ATP2B1: variants seen among roughly 807,000 people sequenced by gnomAD.
The protein encoded by ATP2B1 is plasma membrane calcium-transporting ATPase 1.
Under a neutral mutation model 124.2 loss-of-function variants are expected in ATP2B1, and 14 were observed. That is an observed-to-expected ratio of 0.11 (90% CI 0.07 to 0.18). The LOEUF is 0.18. Ranked by LOEUF, ATP2B1 falls within the 10% of genes least tolerant of loss-of-function variation. ATP2B1 has a pLI of 1.00. For synonymous variants in ATP2B1, 449 were observed against 492.4 expected, an observed-to-expected ratio of 0.91 and a Z score of 1.17; for missense variants, 763 against 1,466.1, an observed-to-expected ratio of 0.52 and a Z score of 7.83.
At chr12:89,600,974 A>C (rs921490361) in intron 19 of ATP2B1, among the ~76,000 whole-genome samples, 2 of 152,128 alleles carry the variant, frequency 1.3e-5, no homozygotes, top group South Asian at 2.1e-4. Context: ...TGTTGTAAAA[A>C]ATTTTTTTCT....
chr12:89,696,892 T>C (rs1891196326), intron 1 of ATP2B1, among the ~76,000 whole-genome samples: 2 of 152,268 alleles, frequency 1.3e-5, no homozygotes, highest in South Asian at 4.1e-4. Context: ...AGGTGTTCAT[T>C]TTATTCAATA....
At chr12:89,634,539 C>G (rs1882384603) in intron 5 of ATP2B1, among the ~76,000 whole-genome samples, 1 of 152,106 alleles carries the variant, frequency 6.6e-6, no homozygotes, top group South Asian at 2.1e-4. Context: ...TGCTGAATCT[C>G]AAATCTCTTG....
intron 2 of ATP2B1, among the ~76,000 whole-genome samples, chr12:89,648,492 T>C (rs977224942): frequency 6.6e-6 from 1 of 152,102 alleles, no homozygotes; most frequent in African/African-American, 2.4e-5. Flanking sequence ...CAGCAAAACA[T>C]TCAAGAACAG....
At chr12:89,607,955 G>A (rs1364198979) in intron 15 of ATP2B1, among the ~76,000 whole-genome samples, 1 of 151,980 alleles carries the variant, frequency 6.6e-6, no homozygotes, top group Non-Finnish European at 1.5e-5. Flanking sequence ...AAGAAAGTAT[G>A]CTCTAAAATG....
At chr12:89,681,069 T>C (rs1167152884) in intron 1 of ATP2B1, among the ~76,000 whole-genome samples, 1 of 152,178 alleles carries the variant, frequency 6.6e-6, no homozygotes, top group Non-Finnish European at 1.5e-5. Flanking sequence ...AGAGCTAATC[T>C]GGGAAGCTTT....
intron 3 of ATP2B1, chr12:89,641,956 T>A: frequency 1.7e-6 from 1 of 573,530 alleles, no homozygotes; most frequent in Non-Finnish European, 3.0e-6. Context: ...CCTCTGTGCC[T>A]CATTGTAAAA....
At chr12:89,683,467 C>T (rs551227466) in intron 1 of ATP2B1, among the ~76,000 whole-genome samples, 2 of 152,328 alleles carry the variant, frequency 1.3e-5, no homozygotes, top group South Asian at 4.1e-4. Context: ...GAAGCGTAAG[C>T]TACAAAGAGA....
intron 2 of ATP2B1, among the ~76,000 whole-genome samples, chr12:89,647,653 G>GT (rs1295954011): frequency 6.6e-6 from 1 of 152,112 alleles, no homozygotes; most frequent in East Asian, 1.9e-4. Context: ...ATGTGTGTCT[G>GT]TATGTGTTTA....
chr12:89,662,137 CT>C (rs74395562), intron 1 of ATP2B1, among the ~76,000 whole-genome samples: 3,464 of 138,922 alleles, frequency 0.025, 93 homozygotes, highest in African/African-American at 0.071. Context: ...ATCTTTCTTT[CT>C]TTTTTTTTTT....
chr12:89,624,117 T>C, intron 9 of ATP2B1, 66 bp downstream of exon 9: 1 of 1,396,250 alleles, frequency 7.2e-7, no homozygotes, highest in South Asian at 1.3e-5. Flanking sequence ...AGTAACTAGA[T>C]GGGCATTTTC....
chr12:89,598,656 C>T, intron 20 of ATP2B1: 2 of 1,613,982 alleles, frequency 1.2e-6, no homozygotes, highest in Non-Finnish European at 1.7e-6. Flanking sequence ...ATATTTGTTA[C>T]ATCATGATGC....
chr12:89,609,210 A>C (rs920312844), intron 15 of ATP2B1, among the ~76,000 whole-genome samples: 1 of 152,178 alleles, frequency 6.6e-6, no homozygotes. Context: ...AATTTTCCCA[A>C]AAGAGCTTAG....
chr12:89,613,804 AC>A (rs1313950311), intron 12 of ATP2B1, among the ~76,000 whole-genome samples: 3 of 152,210 alleles, frequency 2.0e-5, no homozygotes, highest in Non-Finnish European at 4.4e-5. Flanking sequence ...TCAGCTTAAA[AC>A]TTACAAACTA....
intron 1 of ATP2B1, among the ~76,000 whole-genome samples, chr12:89,665,080 C>T (rs1887146854): frequency 1.3e-5 from 2 of 152,114 alleles, no homozygotes; most frequent in Non-Finnish European, 2.9e-5. Flanking sequence ...CTGCCCGCCT[C>T]GGCCTCCCAA....
chr12:89,611,452 ATTAAT>A (rs1877994899), intron 12 of ATP2B1, 80 bp from the exon 13 acceptor site: 3 of 1,177,794 alleles, frequency 2.5e-6, no homozygotes, highest in East Asian at 2.6e-5. Context: ...ACACGACTGC[ATTAAT>A]TTATAGTCCC....
chr12:89,707,476 T>C (rs1256113674), intron 1 of ATP2B1, among the ~76,000 whole-genome samples: 5 of 152,174 alleles, frequency 3.3e-5, no homozygotes, highest in African/African-American at 1.2e-4. Flanking sequence ...TCTATGTAGC[T>C]AATTTATCAC....
intron 12 of ATP2B1, among the ~76,000 whole-genome samples, chr12:89,613,508 G>C (rs1404643260): frequency 6.6e-6 from 1 of 151,980 alleles, no homozygotes; most frequent in Admixed American, 6.6e-5. Flanking sequence ...ATGAGCAAAA[G>C]GACAGGGCCT....
chr12:89,695,467 A>T (rs1221992427), intron 1 of ATP2B1, among the ~76,000 whole-genome samples: 3 of 152,138 alleles, frequency 2.0e-5, no homozygotes, highest in African/African-American at 7.2e-5. Flanking sequence ...TGAAATGAGA[A>T]TTAAAAAAAA....
At chr12:89,683,602 G>GC (rs1317437475) in intron 1 of ATP2B1, among the ~76,000 whole-genome samples, 1 of 152,160 alleles carries the variant, frequency 6.6e-6, no homozygotes, top group Non-Finnish European at 1.5e-5. Context: ...ATTCTATCCA[G>GC]CCCCCGGTCA....
Sources: gnomAD v4.1 joint callset for allele counts (sites outside exome capture counted in the v4.1 genomes callset) on GRCh38, gnomAD v4.1.1 for gene constraint, MANE v1.5 for transcripts, NCBI Gene and HGNC (gene_info 2026-07-23, HGNC 2026-07-21) for gene names.